Variants in RABGAP1 observed in about 807,000 individuals in gnomAD.
The protein encoded by RABGAP1 is rab GTPase-activating protein 1.
In RABGAP1, 23 loss-of-function variants were observed where a neutral mutation model predicts 137.6. The observed-to-expected ratio is 0.17, with a 90% CI of 0.12 to 0.24. The LOEUF is 0.24. RABGAP1 is among the 10% of genes least tolerant of loss of function. RABGAP1 has a pLI of 1.00. For synonymous variants in RABGAP1, 451 were observed against 450.7 expected (o/e 1.00, Z -0.01); for missense variants, 906 against 1,275.8 (o/e 0.71, Z 4.42).
intron 15 of RABGAP1, among the ~76,000 whole-genome samples, chr9:123,072,973 T>C (rs1184773204): frequency 6.6e-6 from 1 of 152,220 alleles, no homozygotes; most frequent in Admixed American, 6.5e-5. Flanking sequence ...TTATTATAAA[T>C]GTAAATAGAA....
At chr9:122,963,742 CAGAA>C (rs1564363282) in intron 2 of RABGAP1, among the ~76,000 whole-genome samples, 3 of 108,632 alleles carry the variant, frequency 2.8e-5, no homozygotes, top group South Asian at 4.2e-4. Context: ...CTAAAACAGT[CAGAA>C]GGAAGGAAAA....
chr9:123,005,279 G>C (rs1196690781), intron 10 of RABGAP1, among the ~76,000 whole-genome samples: 1 of 121,662 alleles, frequency 8.2e-6, no homozygotes, highest in East Asian at 2.0e-4. Flanking sequence ...TTTAGCTTAG[G>C]GGCTTGGGAT....
intron 19 of RABGAP1, among the ~76,000 whole-genome samples, chr9:123,078,017 T>C (rs2034576902): frequency 6.6e-6 from 1 of 152,166 alleles, no homozygotes; most frequent in South Asian, 2.1e-4. Flanking sequence ...TAAACTGATA[T>C]AACACATCTC....
chr9:122,943,153 C>T (rs967429750), intron 1 of RABGAP1, among the ~76,000 whole-genome samples: 25 of 145,746 alleles, frequency 1.7e-4, no homozygotes, highest in Non-Finnish European at 4.4e-5. Flanking sequence ...TGGCTCACTG[C>T]AACCTCCGCC....
chr9:122,942,033 G>A (rs536733311), intron 1 of RABGAP1, among the ~76,000 whole-genome samples: 3 of 152,224 alleles, frequency 2.0e-5, no homozygotes, highest in Admixed American at 1.3e-4. Context: ...TTTTTGTCAG[G>A]GAAAAAAACC....
chr9:123,089,403 AT>A (rs2034970279), intron 19 of RABGAP1: 1 of 177,058 alleles, frequency 5.6e-6, no homozygotes, highest in Non-Finnish European at 1.2e-5. Flanking sequence ...GAGGTCACAG[AT>A]TTAAAGGATT....
At chr9:123,072,290 TAACTG>T (rs2034381674) in intron 15 of RABGAP1, among the ~76,000 whole-genome samples, 1 of 152,208 alleles carries the variant, frequency 6.6e-6, no homozygotes, top group Non-Finnish European at 1.5e-5. Context: ...TGGTTTTTCT[TAACTG>T]AACCCAGCTT....
chr9:123,058,326 CA>C (rs576024979), intron 13 of RABGAP1, among the ~76,000 whole-genome samples: 6 of 145,216 alleles, frequency 4.1e-5, no homozygotes, highest in Non-Finnish European at 3.0e-5. Context: ...TTGTAGTTAG[CA>C]AAAAAAAATT....
At chr9:122,984,385 A>C in intron 2 of RABGAP1, 100 bp from the exon 3 acceptor site, 1 of 983,122 alleles carries the variant, frequency 1.0e-6, no homozygotes, top group Non-Finnish European at 1.5e-6. Context: ...TCTTTGTATC[A>C]AAAGAAATGC....
intron 1 of RABGAP1, among the ~76,000 whole-genome samples, chr9:122,947,537 GTTTTA>G (rs1834008057): frequency 6.6e-6 from 1 of 152,152 alleles, no homozygotes; most frequent in South Asian, 2.1e-4. Flanking sequence ...ATGTTTTAAA[GTTTTA>G]TTTTGTTTTA....
chr9:123,057,738 G>A (rs1219988842), intron 13 of RABGAP1, among the ~76,000 whole-genome samples: 2 of 152,162 alleles, frequency 1.3e-5, no homozygotes, highest in Non-Finnish European at 2.9e-5. Flanking sequence ...CCGAGATCAC[G>A]CCACTGCACT....
At chr9:123,019,191 T>C (rs1037694426) in intron 12 of RABGAP1, among the ~76,000 whole-genome samples, 1 of 152,230 alleles carries the variant, frequency 6.6e-6, no homozygotes, top group Admixed American at 6.5e-5. Context: ...TGTAGTGATA[T>C]AGTAGTTCAG....
At chr9:123,053,456 A>G (rs1588341447) in intron 13 of RABGAP1, among the ~76,000 whole-genome samples, 2 of 152,176 alleles carry the variant, frequency 1.3e-5, no homozygotes, top group African/African-American at 4.8e-5. Context: ...CACACTTTCA[A>G]TTTCATTTTC....
intron 6 of RABGAP1, chr9:122,990,823 A>G (rs1402005685): frequency 8.1e-6 from 1 of 123,342 alleles, no homozygotes; most frequent in African/African-American, 3.2e-5. Context: ...ATATATATAT[A>G]TATATATATA....
intron 13 of RABGAP1, among the ~76,000 whole-genome samples, chr9:123,056,330 A>G (rs2033692840): frequency 6.6e-6 from 1 of 152,248 alleles, no homozygotes; most frequent in Non-Finnish European, 1.5e-5. Flanking sequence ...TAGAAGGAGC[A>G]TAGGACAAGT....
chr9:122,948,003 T>A (rs1834029549), intron 1 of RABGAP1, among the ~76,000 whole-genome samples: 1 of 150,884 alleles, frequency 6.6e-6, no homozygotes, highest in Non-Finnish European at 1.5e-5. Flanking sequence ...GAAATTCATG[T>A]GAAAACCAGT....
At chr9:123,075,591 A>G (rs530621190) in intron 17 of RABGAP1, among the ~76,000 whole-genome samples, 43 of 152,270 alleles carry the variant, frequency 2.8e-4, no homozygotes, top group African/African-American at 1.0e-3. Flanking sequence ...CTAATCACAA[A>G]CCTTTAAATT....
At chr9:122,953,936 T>TA (rs1042657081) in intron 1 of RABGAP1, among the ~76,000 whole-genome samples, 1 of 152,148 alleles carries the variant, frequency 6.6e-6, no homozygotes, top group Non-Finnish European at 1.5e-5. Context: ...TAATCAGACA[T>TA]AAAAAAGCCT....
At chr9:122,995,128 AAAAG>A (rs1836948500) in intron 6 of RABGAP1, among the ~76,000 whole-genome samples, 2 of 152,184 alleles carry the variant, frequency 1.3e-5, no homozygotes, top group Non-Finnish European at 2.9e-5. Context: ...CAAAAAAAGA[AAAAG>A]AATATTTTTA....
Sources: gnomAD v4.1 joint callset for allele counts (sites outside exome capture counted in the v4.1 genomes callset) on GRCh38, gnomAD v4.1.1 for gene constraint, MANE v1.5 for transcripts, NCBI Gene and HGNC (gene_info 2026-07-23, HGNC 2026-07-21) for gene names.